Variants in SDC2 observed in about 807,000 individuals in gnomAD.
SDC2 encodes the protein syndecan 2.
In SDC2, 13 loss-of-function variants were observed where a neutral mutation model predicts 22.2. That is an observed-to-expected ratio of 0.59 (90% CI 0.38 to 0.93). The LOEUF (loss-of-function observed/expected upper bound fraction) is 0.93. Ranked by LOEUF, SDC2 falls within the 40% of genes least tolerant of loss-of-function variation. SDC2 has a pLI of 0.00. For synonymous variants in SDC2, 94 were observed against 92.8 expected, an observed-to-expected ratio of 1.01 and a Z score of -0.07; for missense variants, 235 against 246.8, an observed-to-expected ratio of 0.95 and a Z score of 0.32.
rs1354298778 is a variant in SDC2, at chr8:96,508,982, C to T, written c.60+14651C>T. On this transcript the variant is annotated intron_variant, in intron 1 of 4. Transcript: ENST00000302190. ...AGAATCTTCCTTTTCATTGGTTGGC[C>T]TAATCTTCCAGGTCACTGATATTCT... 1.5e-4 allele frequency among the ~76,000 whole-genome samples: 21 copies of T among 142,048 alleles called. 6 individuals are homozygous for T. The highest frequency in any genetic ancestry group is 1.6e-5 in the Non-Finnish European group (1 of 62,372). The allele number at this position is 142,048 out of a possible 152,430, so 93.2% of individuals were successfully genotyped here.
chr8:96,608,288 A>T, intron 3 of SDC2, 47 bp from the exon 4 acceptor site: 1 of 1,577,630 alleles, frequency 6.3e-7, no homozygotes. Flanking sequence ...CTTCTTTCCA[A>T]CACATTTCCT....
At chr8:96,494,404 A>G in intron 1 of SDC2, 73 bp downstream of exon 1, 14 of 1,436,868 alleles carry the variant, frequency 9.7e-6, no homozygotes, top group South Asian at 5.1e-5. Context: ...CGCAGGGAAT[A>G]GGGGAGCGCC....
intron 1 of SDC2, among the ~76,000 whole-genome samples, chr8:96,522,440 G>A (rs1175770539): frequency 6.6e-6 from 1 of 151,368 alleles, no homozygotes; most frequent in East Asian, 1.9e-4. Flanking sequence ...TATTTTTGTT[G>A]TTCTTCACTA....
chr8:96,513,782 A>G (rs1234504591), intron 1 of SDC2, among the ~76,000 whole-genome samples: 1 of 152,168 alleles, frequency 6.6e-6, no homozygotes, highest in Non-Finnish European at 1.5e-5. Flanking sequence ...AGTAAAAGGA[A>G]AGCCTTTCTA....
chr8:96,606,853 G>A (rs1815088937), intron 3 of SDC2, among the ~76,000 whole-genome samples: 1 of 152,150 alleles, frequency 6.6e-6, no homozygotes, highest in East Asian at 1.9e-4. Flanking sequence ...TAAAAGAAGT[G>A]CAACATTTGG....
intron 3 of SDC2, among the ~76,000 whole-genome samples, chr8:96,605,616 A>G (rs572777083): frequency 1.3e-5 from 2 of 152,342 alleles, no homozygotes; most frequent in East Asian, 3.9e-4. Flanking sequence ...TGCACCAGTG[A>G]AATGAAATTT....
intron 2 of SDC2, among the ~76,000 whole-genome samples, chr8:96,600,030 A>G (rs1027212161): frequency 1.5e-4 from 23 of 152,198 alleles, no homozygotes; most frequent in African/African-American, 5.5e-4. Flanking sequence ...ACAGTGGCAC[A>G]TATATTTAGT....
chr8:96,507,382 A>T lies in SDC2; in HGVS notation c.60+13051A>T, dbSNP rs115731801. 6.8e-3 allele frequency among the ~76,000 whole-genome samples: 1,042 copies of T among 152,346 alleles called. 9 individuals carry two copies. Among genetic ancestry groups the T allele is most frequent in the African/African-American group, 0.024 (993 of 41,584 alleles). On this transcript the variant is annotated intron_variant, in intron 1 of 4. Coordinates refer to ENST00000302190, the MANE Select transcript of SDC2 (RefSeq NM_002998.4). ...TACCATGAAACATACATTTTACGTT[A>T]TACATTTAGCATCAGTGTGGTTAGT...
rs147495790 is a variant in SDC2, at chr8:96,528,249, T to G, written c.60+33918T>G. ...AGCGAGAAAAAAAATGTGGAGAAAA[T>G]TTGATCTCTGAGAAAGAGGATTTTT... is the stretch of plus-strand genomic sequence containing the variant. On this transcript the variant is annotated intron_variant, in intron 1 of 4. Transcript: ENST00000302190. 2.0e-3 allele frequency among the ~76,000 whole-genome samples: 301 copies of G among 152,204 alleles called. 2 individuals carry two copies. Among genetic ancestry groups the G allele is most frequent in the African/African-American group, 6.9e-3 (288 of 41,540 alleles).
intron 1 of SDC2, among the ~76,000 whole-genome samples, chr8:96,520,491 A>G (rs547044885): frequency 1.3e-5 from 2 of 152,186 alleles, no homozygotes; most frequent in Non-Finnish European, 2.9e-5. Flanking sequence ...TTTCCTTTCC[A>G]GAGCCTCTCC....
chr8:96,579,068 G>A (rs1471126943), intron 1 of SDC2, among the ~76,000 whole-genome samples: 1 of 152,170 alleles, frequency 6.6e-6, no homozygotes, highest in East Asian at 1.9e-4. Context: ...GTTTTTTTGT[G>A]TTTTGTTTCT....
intron 1 of SDC2, among the ~76,000 whole-genome samples, chr8:96,579,141 A>G (rs1814552043): frequency 6.6e-6 from 1 of 152,238 alleles, no homozygotes; most frequent in Non-Finnish European, 1.5e-5. Flanking sequence ...CACGCTGACA[A>G]TAAAGCATTA....
chr8:96,532,779 T>C (rs975231047), intron 1 of SDC2, among the ~76,000 whole-genome samples: 1 of 152,184 alleles, frequency 6.6e-6, no homozygotes, highest in Non-Finnish European at 1.5e-5. Flanking sequence ...TCACCTTCTC[T>C]GATGGGTCTT....
At chr8:96,571,966 A>C (rs1814402640) in intron 1 of SDC2, among the ~76,000 whole-genome samples, 1 of 152,122 alleles carries the variant, frequency 6.6e-6, no homozygotes, top group Non-Finnish European at 1.5e-5. Context: ...AGGACAAGTA[A>C]ATTGAAGGGT....
intron 1 of SDC2, among the ~76,000 whole-genome samples, chr8:96,563,065 A>G (rs1814237777): frequency 6.6e-6 from 1 of 152,170 alleles, no homozygotes; most frequent in Non-Finnish European, 1.5e-5. Context: ...GCTACCTGAA[A>G]GACATTTTCC....
intron 1 of SDC2, among the ~76,000 whole-genome samples, chr8:96,559,509 C>G (rs970306969): frequency 1.3e-5 from 2 of 152,118 alleles, no homozygotes; most frequent in Non-Finnish European, 2.9e-5. Flanking sequence ...GCTTGACTTG[C>G]TATGTTCATG....
intron 1 of SDC2, among the ~76,000 whole-genome samples, chr8:96,495,571 A>G (rs1225405477): frequency 1.3e-5 from 2 of 152,142 alleles, no homozygotes; most frequent in Non-Finnish European, 2.9e-5. Context: ...TCCCTTTGCC[A>G]TTTAATAACG....
At chr8:96,522,984 T>A (rs893517376) in intron 1 of SDC2, among the ~76,000 whole-genome samples, 1 of 152,196 alleles carries the variant, frequency 6.6e-6, no homozygotes, top group African/African-American at 2.4e-5. Flanking sequence ...TTTTCACTGC[T>A]TGTTACTTGG....
intron 2 of SDC2, among the ~76,000 whole-genome samples, chr8:96,594,905 T>C (rs1338995069): frequency 6.6e-6 from 1 of 152,202 alleles, no homozygotes; most frequent in African/African-American, 2.4e-5. Context: ...GAACTCACTG[T>C]CATGAGAACA....
Sources: gnomAD v4.1 joint callset for allele counts (sites outside exome capture counted in the v4.1 genomes callset) on GRCh38, gnomAD v4.1.1 for gene constraint, MANE v1.5 for transcripts, NCBI Gene and HGNC (gene_info 2026-07-23, HGNC 2026-07-21) for gene names.